The following RANBP2 variants were observed in gnomAD, a reference collection of about 807,000 sequenced individuals.
RANBP2 encodes the protein RAN binding protein 2, also known as E3 SUMO-protein ligase RanBP2.
Under a neutral mutation model 303.6 loss-of-function variants are expected in RANBP2, and 57 were observed. That is an observed-to-expected ratio of 0.19 (90% CI 0.15 to 0.23). RANBP2 has a LOEUF of 0.23. Ranked by LOEUF, RANBP2 falls within the 10% of genes least tolerant of loss-of-function variation. The pLI is 1.00. For missense variants in RANBP2, 3,138 were observed against 3,780.8 expected (o/e 0.83, Z 4.46); for synonymous variants, 1,167 against 1,301.5 (o/e 0.90, Z 2.23).
chr2:109,515,896 G>C, the RANBP2 span, among the ~76,000 whole-genome samples: 1 of 152,150 alleles, frequency 6.6e-6, no homozygotes, highest in African/African-American at 2.4e-5. Flanking sequence ...CCATTCCTGA[G>C]GGATCCGCCC....
At chr2:109,583,611 C>A in the RANBP2 span, among the ~76,000 whole-genome samples, 10 of 152,280 alleles carry the variant, frequency 6.6e-5, no homozygotes, top group South Asian at 2.1e-3. Flanking sequence ...CCAGAACTAC[C>A]ATTCGACCCA....
chr2:109,168,944 G>C, the RANBP2 span, among the ~76,000 whole-genome samples: 1 of 152,128 alleles, frequency 6.6e-6, no homozygotes, highest in African/African-American at 2.4e-5. Context: ...TCATCTTCTC[G>C]AGGGCTCAGT....
the RANBP2 span, among the ~76,000 whole-genome samples, chr2:109,765,024 C>T: frequency 8.5e-6 from 1 of 118,146 alleles, no homozygotes; most frequent in Non-Finnish European, 1.7e-5. Flanking sequence ...CCCTACCACT[C>T]ACCCCATTCC....
At chr2:109,328,511 CAT>C in the RANBP2 span, among the ~76,000 whole-genome samples, 121 of 152,260 alleles carry the variant, frequency 7.9e-4, 1 homozygote, top group Middle Eastern at 3.4e-3. Flanking sequence ...TTTGTTTACA[CAT>C]GTTTGTTTTT....
chr2:109,681,378 T>C, the RANBP2 span, among the ~76,000 whole-genome samples: 1 of 152,220 alleles, frequency 6.6e-6, no homozygotes, highest in Admixed American at 6.5e-5. Flanking sequence ...TGTACACGTA[T>C]TCAAGCACTT....
At chr2:109,175,682 G>C in the RANBP2 span, among the ~76,000 whole-genome samples, 5 of 152,068 alleles carry the variant, frequency 3.3e-5, no homozygotes, top group African/African-American at 7.2e-5. Flanking sequence ...ACACATTTTG[G>C]GTTACCTCAA....
the RANBP2 span, among the ~76,000 whole-genome samples, chr2:109,565,046 C>T: frequency 6.6e-6 from 1 of 152,156 alleles, no homozygotes; most frequent in African/African-American, 2.4e-5. Context: ...TTAGTGAACA[C>T]ACTTACATGA....
the RANBP2 span, among the ~76,000 whole-genome samples, chr2:109,245,352 C>T: frequency 6.6e-6 from 1 of 151,932 alleles, no homozygotes; most frequent in East Asian, 1.9e-4. Flanking sequence ...ACAGTGTCAA[C>T]CTCTGCTGTA....
chr2:109,118,723 T>C, the RANBP2 span, among the ~76,000 whole-genome samples: 10 of 152,162 alleles, frequency 6.6e-5, no homozygotes, highest in Admixed American at 1.3e-4. Flanking sequence ...ATTTCAAATA[T>C]TTGGAGAGTC....
the RANBP2 span, among the ~76,000 whole-genome samples, chr2:108,962,557 C>T: frequency 6.6e-6 from 1 of 151,594 alleles, no homozygotes; most frequent in South Asian, 2.1e-4. Context: ...CGCCTGTAGT[C>T]CCAGCTACTC....
At chr2:109,057,066 G>T in the RANBP2 span, among the ~76,000 whole-genome samples, 1 of 152,162 alleles carries the variant, frequency 6.6e-6, no homozygotes, top group African/African-American at 2.4e-5. Flanking sequence ...ATATTACCCA[G>T]TTATCTTTTG....
At chr2:108,786,826 G>C, downstream of RANBP2, 1 of 1,589,926 alleles carries the variant, frequency 6.3e-7, no homozygotes, top group Non-Finnish European at 8.6e-7. Context: ...GTGTGCTATG[G>C]AGCCGAGGGT....
the RANBP2 span, among the ~76,000 whole-genome samples, chr2:108,988,454 C>T: frequency 6.6e-6 from 1 of 152,192 alleles, no homozygotes; most frequent in Non-Finnish European, 1.5e-5. Flanking sequence ...CTCCCCGCTC[C>T]CCCGCCACCA....
the RANBP2 span, among the ~76,000 whole-genome samples, chr2:109,404,505 C>A: frequency 6.6e-6 from 1 of 152,096 alleles, no homozygotes; most frequent in Non-Finnish European, 1.5e-5. Context: ...GGGGCCTAGA[C>A]GGAAGTTTTG....
chr2:108,815,711 C>T, the RANBP2 span, among the ~76,000 whole-genome samples: 1 of 152,014 alleles, frequency 6.6e-6, no homozygotes, highest in Admixed American at 6.6e-5. Flanking sequence ...GGTGATCCAC[C>T]CACCTCAGCC....
At chr2:109,633,158 A>G in the RANBP2 span, among the ~76,000 whole-genome samples, 3 of 152,170 alleles carry the variant, frequency 2.0e-5, no homozygotes, top group Non-Finnish European at 4.4e-5. Flanking sequence ...TTGGGAGGCC[A>G]TGGCGGGTGG....
the RANBP2 span, among the ~76,000 whole-genome samples, chr2:109,287,962 G>A: frequency 6.6e-6 from 1 of 152,220 alleles, no homozygotes; most frequent in Non-Finnish European, 1.5e-5. Context: ...CCAGAGAAAG[G>A]TTCAAGTTCT....
At chr2:109,372,882 G>A in the RANBP2 span, among the ~76,000 whole-genome samples, 2 of 152,350 alleles carry the variant, frequency 1.3e-5, no homozygotes, top group African/African-American at 4.8e-5. Context: ...ACAGTGTGCA[G>A]ATACTTAAAG....
the RANBP2 span, among the ~76,000 whole-genome samples, chr2:108,800,608 CTTTTTTTTTTT>C: frequency 9.9e-4 from 33 of 33,492 alleles, no homozygotes; most frequent in East Asian, 3.6e-3. Context: ...CTCAGTTTAG[CTTTTTTTTTTT>C]TTTTTTTTTT....
Sources: gnomAD v4.1 joint callset for allele counts (sites outside exome capture counted in the v4.1 genomes callset) on GRCh38, gnomAD v4.1.1 for gene constraint, MANE v1.5 for transcripts, NCBI Gene and HGNC (gene_info 2026-07-23, HGNC 2026-07-21) for gene names.